The following RPH3A variants were observed in gnomAD, a reference collection of about 807,000 sequenced individuals.
RPH3A encodes rabphilin 3A.
RPH3A carries 48 observed loss-of-function variants against 102.2 expected under a neutral mutation model. That is an observed-to-expected ratio of 0.47 (90% confidence interval 0.37 to 0.60). The LOEUF is 0.60. Ranked by LOEUF, RPH3A falls within the 20% of genes least tolerant of loss-of-function variation. The pLI, the probability that RPH3A is intolerant of heterozygous loss-of-function variation, is 0.00. For missense variants in RPH3A, 781 were observed against 910.1 expected, an observed-to-expected ratio of 0.86 and a Z score of 1.83; for synonymous variants, 310 against 324.3, an observed-to-expected ratio of 0.96 and a Z score of 0.47.
chr12:112,693,118 CAG>C (rs1259628250), intron 1 of RPH3A, among the ~76,000 whole-genome samples: 1 of 152,326 alleles, frequency 6.6e-6, no homozygotes, highest in East Asian at 1.9e-4. Flanking sequence ...GACTCTTGCT[CAG>C]AGTTTTAAAA....
intron 1 of RPH3A, among the ~76,000 whole-genome samples, chr12:112,657,220 G>T (rs906061968): frequency 2.0e-5 from 3 of 151,912 alleles, no homozygotes; most frequent in East Asian, 3.9e-4. Context: ...TCATATGTTT[G>T]TTGGCCACTT....
intron 1 of RPH3A, among the ~76,000 whole-genome samples, chr12:112,780,027 C>T (rs1448141530): frequency 6.6e-6 from 1 of 152,138 alleles, no homozygotes; most frequent in Non-Finnish European, 1.5e-5. Flanking sequence ...GGAACAGATT[C>T]GTCCCCAGAG....
intron 1 of RPH3A, among the ~76,000 whole-genome samples, chr12:112,746,467 T>A (rs912926796): frequency 6.6e-6 from 1 of 152,006 alleles, no homozygotes; most frequent in Non-Finnish European, 1.5e-5. Flanking sequence ...GCCTTAGGTG[T>A]TGAGGGAACA....
At chr12:112,634,826 C>T (rs954161550) in intron 1 of RPH3A, among the ~76,000 whole-genome samples, 2 of 152,196 alleles carry the variant, frequency 1.3e-5, no homozygotes, top group Non-Finnish European at 1.5e-5. Flanking sequence ...TCGTGGAACT[C>T]TAACACTTGC....
intron 1 of RPH3A, among the ~76,000 whole-genome samples, chr12:112,655,593 G>C (rs1164854377): frequency 1.7e-5 from 1 of 58,064 alleles, no homozygotes; most frequent in Non-Finnish European, 2.8e-5. Flanking sequence ...TTTTTTTTGA[G>C]ACAGTCTTGC....
At chr12:112,677,949 G>T (rs1456719057) in intron 1 of RPH3A, among the ~76,000 whole-genome samples, 1 of 151,838 alleles carries the variant, frequency 6.6e-6, no homozygotes, top group South Asian at 2.1e-4. Context: ...CCAGCACTTT[G>T]GGAGGCCAAG....
At chr12:112,685,340 A>G (rs185164232) in intron 1 of RPH3A, among the ~76,000 whole-genome samples, 5 of 152,216 alleles carry the variant, frequency 3.3e-5, no homozygotes, top group South Asian at 2.1e-4. Context: ...ATACATTCCA[A>G]CATGTGAATT....
chr12:112,774,776 G>A (rs1347056461), intron 1 of RPH3A, among the ~76,000 whole-genome samples: 2 of 151,816 alleles, frequency 1.3e-5, no homozygotes, highest in African/African-American at 4.8e-5. Context: ...GGAGCAGGTC[G>A]GGGGGTGAGG....
At chr12:112,782,510 G>A (rs534595644) in intron 1 of RPH3A, among the ~76,000 whole-genome samples, 6 of 152,282 alleles carry the variant, frequency 3.9e-5, no homozygotes, top group East Asian at 3.9e-4. Flanking sequence ...TCCCTTTTCC[G>A]TCTTTCTGTA....
At position 112,713,051 on chromosome 12, in the gene RPH3A, CCTTCTTCTTCTTCTTCTT is replaced by C. The variant is rs397958107; in HGVS notation, c.-139-79058_-139-79041del. 3.3e-4 allele frequency among the ~76,000 whole-genome samples: 28 copies of C among 85,874 alleles called. No homozygotes were observed. In the South Asian group the frequency reaches 3.9e-3, roughly 12 times the overall value. 56.3% of individuals were successfully genotyped at this position (85,874 alleles called of 152,430 possible). A position where few individuals can be genotyped will look rare whatever the true frequency, so the allele number is the denominator to read the frequency against. The stretch of plus-strand genomic sequence containing the variant: ...TTCTTCTTCTTCTTCTTCTTCTTCT[CCTTCTTCTTCTTCTTCTT>C]CTTCTTCTTCTTCTTCTTCTTCTTC... On this transcript the variant is annotated intron_variant, in intron 1 of 21. Transcript: ENST00000543106.
At chr12:112,841,305 G>A (rs1228693979) in intron 4 of RPH3A, among the ~76,000 whole-genome samples, 1 of 151,932 alleles carries the variant, frequency 6.6e-6, no homozygotes, top group South Asian at 2.1e-4. Context: ...TAAGATGAGG[G>A]GGGCAGGGGG....
Position 112,677,423 on chromosome 12 carries a change from TTCCTTCCTTCCTTCCTTCCTTCCTTCC to T in RPH3A, c.-140+102106_-140+102132del, listed in dbSNP as rs1566254474. On this transcript the variant is annotated intron_variant, in intron 1 of 21. Transcript: ENST00000543106. The stretch of plus-strand genomic sequence containing the variant: ...CCTCCCTCCCTCCTTCCCTCCTTCC[TTCCTTCCTTCCTTCCTTCCTTCCTTCC>T]TTCCTTCCTTCCTTCCTTCCTTCCT... Among the ~76,000 whole-genome samples the T allele has an allele frequency of 5.1e-3, 164 of 31,952 alleles. 3 individuals carry two copies. Among genetic ancestry groups the T allele is most frequent in the African/African-American group, 0.017 (154 of 9,092 alleles). 21.0% of individuals were successfully genotyped at this position (31,952 alleles called of 152,430 possible).
intron 2 of RPH3A, chr12:112,813,326 AAGAAGAGG>A (rs1191751847): frequency 6.6e-6 from 1 of 152,238 alleles, no homozygotes; most frequent in African/African-American, 2.4e-5. Context: ...TCACAGGGGC[AAGAAGAGG>A]AGAAGAGGAA....
At chr12:112,832,547 T>C (rs1327521998) in intron 3 of RPH3A, among the ~76,000 whole-genome samples, 1 of 152,140 alleles carries the variant, frequency 6.6e-6, no homozygotes, top group Admixed American at 6.5e-5. Flanking sequence ...TATTAAAAAT[T>C]AAGATATATA....
intron 5 of RPH3A, among the ~76,000 whole-genome samples, chr12:112,859,438 C>A (rs987305808): frequency 1.3e-5 from 2 of 152,166 alleles, no homozygotes; most frequent in African/African-American, 2.4e-5. Flanking sequence ...AGGAGTCCAG[C>A]TAGTTGGGTG....
At chr12:112,780,571 G>T (rs1416905979) in intron 1 of RPH3A, among the ~76,000 whole-genome samples, 1 of 152,140 alleles carries the variant, frequency 6.6e-6, no homozygotes, top group Non-Finnish European at 1.5e-5. Context: ...GCATTTTCAT[G>T]ACGATTTTTA....
rs185245843 is a variant in RPH3A at position 112,861,857 on chromosome 12, C to T, written c.231-3557C>T. 9.2e-5 allele frequency among the ~76,000 whole-genome samples: 14 copies of T among 151,980 alleles called. No homozygotes were observed. In the East Asian group the frequency reaches 2.1e-3, roughly 23 times the overall value. On this transcript the variant is annotated intron_variant, in intron 5 of 21. Transcript: ENST00000389385. ...TGAAACCCCGTCTCTACTAAAAATA[C>T]AAAAAATTAGCCAGGCGCGATGGTG... is the stretch of plus-strand genomic sequence containing the variant.
At chr12:112,692,648 T>A (rs1419847263) in intron 1 of RPH3A, among the ~76,000 whole-genome samples, 2 of 152,072 alleles carry the variant, frequency 1.3e-5, no homozygotes, top group African/African-American at 4.8e-5. Flanking sequence ...TATACCACAC[T>A]AATGTCCACT....
chr12:112,803,486 ATATTATTATTAT>A (rs138267182), intron 2 of RPH3A, among the ~76,000 whole-genome samples: 1 of 150,304 alleles, frequency 6.7e-6, no homozygotes, highest in Non-Finnish European at 1.5e-5. Context: ...TGGGAAGGAG[ATATTATTATTAT>A]TATTATTATT....
Sources: allele counts gnomAD v4.1 joint callset (sites outside exome capture counted in the v4.1 genomes callset), GRCh38; gene constraint gnomAD v4.1.1; transcripts MANE v1.5; gene names NCBI Gene and HGNC (gene_info 2026-07-23, HGNC 2026-07-21).